Variants in TFDP2 observed in about 807,000 individuals in gnomAD.
TFDP2 encodes transcription factor Dp-2, also known as transcription factor Dp-2 (E2F dimerization partner 2).
In TFDP2, 17 loss-of-function variants were observed where a neutral mutation model predicts 59.3. The observed-to-expected ratio is 0.29, with a 90% CI of 0.20 to 0.43. The LOEUF is 0.43. Among genes scored for constraint, TFDP2 ranks in the 20% least tolerant of loss-of-function variants. The pLI, the probability that TFDP2 is intolerant of heterozygous loss-of-function variation, is 1.00. For missense variants in TFDP2, 391 were observed against 528.8 expected, an observed-to-expected ratio of 0.74 and a Z score of 2.56; for synonymous variants, 180 against 194.7, an observed-to-expected ratio of 0.92 and a Z score of 0.63.
At chr3:142,041,914 C>A (rs1317896147) in intron 3 of TFDP2, among the ~76,000 whole-genome samples, 2 of 152,166 alleles carry the variant, frequency 1.3e-5, no homozygotes, top group Non-Finnish European at 1.5e-5. Flanking sequence ...GTTGAAAAAA[C>A]CCATTCTTCC....
chr3:141,989,858 C>T (rs2108151694), intron 6 of TFDP2, among the ~76,000 whole-genome samples: 1 of 149,270 alleles, frequency 6.7e-6, no homozygotes, highest in East Asian at 1.9e-4. Flanking sequence ...TTTTTTACAG[C>T]ACTTTTACAG....
At chr3:142,023,439 C>A (rs1945823658) in intron 3 of TFDP2, among the ~76,000 whole-genome samples, 1 of 151,808 alleles carries the variant, frequency 6.6e-6, no homozygotes, top group Admixed American at 6.6e-5. Flanking sequence ...GATCCACCTG[C>A]CCCGGCCTCC....
chr3:141,968,371 TA>T (rs1407677410), intron 9 of TFDP2, among the ~76,000 whole-genome samples: 3 of 118,322 alleles, frequency 2.5e-5, no homozygotes, highest in African/African-American at 9.5e-5. Flanking sequence ...ATCTCATATA[TA>T]ACATATATCT....
intron 2 of TFDP2, among the ~76,000 whole-genome samples, chr3:142,096,118 T>C (rs1002407354): frequency 2.6e-5 from 4 of 152,172 alleles, no homozygotes; most frequent in Non-Finnish European, 4.4e-5. Context: ...CACCTGCATC[T>C]TAAGAACCAA....
Position 141,948,541 on chromosome 3 carries a change from CAA to C in TFDP2, c.*3970_*3971del, listed in dbSNP as rs71629518. 23 of 133,392 alleles carry C rather than the reference CAA, an allele frequency of 1.7e-4. No homozygotes were observed. The highest frequency in any genetic ancestry group is 2.4e-4 in the South Asian group (1 of 4,144). 8.3% of individuals were successfully genotyped at this position (133,392 alleles called of 1,614,324 possible). On this transcript the variant is annotated 3_prime_UTR_variant, in exon 13 of 13. Transcript: ENST00000489671. ...CTGGCGACAGAGCAAGACTCCGTCT[CAA>C]AAAAAAAAAAAAGCTAAATAGGCTC... is the stretch of plus-strand genomic sequence containing the variant.
chr3:141,954,358 T>TGGC (rs1355458382), intron 11 of TFDP2, among the ~76,000 whole-genome samples: 1 of 151,230 alleles, frequency 6.6e-6, no homozygotes, highest in African/African-American at 2.4e-5. Context: ...GATCTAAATG[T>TGGC]GGCGGGGCGC....
intron 11 of TFDP2, among the ~76,000 whole-genome samples, chr3:141,956,537 G>A (rs1282167570): frequency 6.6e-6 from 1 of 151,010 alleles, no homozygotes; most frequent in African/African-American, 2.4e-5. Context: ...GGGTAACAGA[G>A]AGAGACTCCA....
rs1042760248 is a variant in TFDP2 at position 141,947,927 on chromosome 3, C to G, written c.*4586G>C. 1 of 152,330 alleles carries G rather than the reference C, an allele frequency of 6.6e-6. No homozygotes were observed. The highest frequency in any genetic ancestry group is 1.5e-5 in the Non-Finnish European group (1 of 68,128). 9.4% of individuals were successfully genotyped at this position (152,330 alleles called of 1,614,324 possible). On this transcript the variant is annotated 3_prime_UTR_variant, in exon 13 of 13. Transcript: ENST00000489671. Reference sequence around the variant, plus strand: ...TAGCCTTTCCCAAACGGTCCCGCTACGCTGCTGCTTTCTCCACAGCACTCA... The same window carrying G: ...TAGCCTTTCCCAAACGGTCCCGCTAGGCTGCTGCTTTCTCCACAGCACTCA...
intron 6 of TFDP2, among the ~76,000 whole-genome samples, chr3:141,992,077 A>AAAAG (rs1942840805): frequency 6.9e-6 from 1 of 145,900 alleles, no homozygotes; most frequent in Non-Finnish European, 1.5e-5. Flanking sequence ...AAAGAAAGAA[A>AAAAG]GAAGGAAGGA....
chr3:141,957,274 G>A (rs779146168), intron 11 of TFDP2, among the ~76,000 whole-genome samples: 7 of 152,130 alleles, frequency 4.6e-5, no homozygotes, highest in Non-Finnish European at 8.8e-5. Flanking sequence ...GCCAAATTAC[G>A]TCACCGCACT....
rs188699340 is a variant in TFDP2 at position 142,093,910 on chromosome 3, T to C, written c.16-783A>G. 394 of 496,064 alleles carry C rather than the reference T, an allele frequency of 7.9e-4. 5 individuals carry two copies. Among genetic ancestry groups the C allele is most frequent in the African/African-American group, 7.4e-3 (374 of 50,782 alleles). The allele number at this position is 496,064 out of a possible 1,614,324, so 30.7% of individuals were successfully genotyped here. A position where few individuals can be genotyped will look rare whatever the true frequency, so the allele number is the denominator to read the frequency against. On this transcript the variant is annotated intron_variant, in intron 2 of 12. Coordinates refer to ENST00000489671, the MANE Select transcript of TFDP2 (RefSeq NM_001178139.2). ...AATGAGATAATTCATGTAAAGCATA[T>C]AGCACAGGATTTGGCACATACTGCT...
intron 3 of TFDP2, among the ~76,000 whole-genome samples, chr3:142,060,959 T>C (rs1306664501): frequency 6.6e-6 from 1 of 152,210 alleles, no homozygotes; most frequent in Non-Finnish European, 1.5e-5. Flanking sequence ...ATTTTTCATA[T>C]GAGAACGTCT....
rs1486441718 is a variant in TFDP2 at position 142,149,432 on chromosome 3, AGCTGCGGCAGCGCCGCAGCCGAG to A, written c.-365_-343del. The A allele has an allele frequency of 5.2e-6, 2 of 382,038 alleles. No homozygotes were observed. The highest frequency in any genetic ancestry group is 9.3e-6 in the Non-Finnish European group (2 of 215,806). The allele number at this position is 382,038 out of a possible 1,614,324, so 23.7% of individuals were successfully genotyped here. On this transcript the variant is annotated 5_prime_UTR_variant, in exon 1 of 13. Transcript: ENST00000489671. ...TCAGGGCGCGCCCCGCGGGCCGGGC[AGCTGCGGCAGCGCCGCAGCCGAG>A]ATCGCTACCGATTTCGTCCGCCCTC...
At chr3:142,050,273 A>T (rs913791828) in intron 3 of TFDP2, among the ~76,000 whole-genome samples, 55 of 151,004 alleles carry the variant, frequency 3.6e-4, no homozygotes, top group Non-Finnish European at 6.0e-4. Flanking sequence ...CAAAAAAAAA[A>T]AAATAATAAA....
Position 141,970,123 on chromosome 3 carries a change from T to C in TFDP2, c.682A>G (p.Ile228Val). The change falls in exon 9 of 13, where the codon ATA (isoleucine) becomes GTA (valine). Residue 228 changes from isoleucine (I) to valine (V), a missense_variant. Ile to Val is a conservative substitution (Grantham distance 29). Transcript: ENST00000489671. The stretch of plus-strand genomic sequence containing the variant: ...GCCCGCTTCTGCTTTATCCGTTCTA[T>C]CCGCCTCTGCTTCTCTATCTTTAAA... ...QNLEIEKQRR[I>V]ERIKQKRAQL... 7 of 1,614,196 alleles carry C rather than the reference T, an allele frequency of 4.3e-6. No individual in the cohort carries two copies. The highest frequency in any genetic ancestry group is 5.9e-6 in the Non-Finnish European group (7 of 1,180,008).
intron 1 of TFDP2, among the ~76,000 whole-genome samples, chr3:142,148,923 T>A (rs1392506371): frequency 2.0e-5 from 3 of 152,204 alleles, no homozygotes; most frequent in African/African-American, 7.2e-5. Flanking sequence ...CTTCCCCTCT[T>A]CCACGAGGCG....
At chr3:142,054,164 A>G (rs1240972527) in intron 3 of TFDP2, 1 of 152,232 alleles carries the variant, frequency 6.6e-6, no homozygotes, top group Non-Finnish European at 1.5e-5. Context: ...GAGAGATGAA[A>G]ACTTATGTCA....
rs529693273 is a variant in TFDP2, at chr3:142,055,941, C to CT, written c.82+37119dup. Reference sequence around the variant, plus strand: ...AAGCCCACATGCATTTATTAAGTACCTTTTTTTTTTTTTTTTTTTTTTTTT... The same window carrying CT: ...AAGCCCACATGCATTTATTAAGTACCTTTTTTTTTTTTTTTTTTTTTTTTTT... On this transcript the variant is annotated intron_variant, in intron 3 of 12. Transcript: ENST00000489671. Among the ~76,000 whole-genome samples, 382 of 70,192 alleles carry CT rather than the reference C, an allele frequency of 5.4e-3. 44 individuals carry two copies. The highest frequency in any genetic ancestry group is 0.046 in the East Asian group (81 of 1,768). 46.0% of individuals were successfully genotyped at this position (70,192 alleles called of 152,430 possible). A position where few individuals can be genotyped will look rare whatever the true frequency, so the allele number is the denominator to read the frequency against.
intron 1 of TFDP2, among the ~76,000 whole-genome samples, chr3:142,130,046 G>A (rs1212876407): frequency 1.3e-5 from 2 of 151,962 alleles, no homozygotes; most frequent in African/African-American, 4.8e-5. Flanking sequence ...TCTCAAAAAC[G>A]TAAAAATAAA....
Sources: gnomAD v4.1 joint callset for allele counts (sites outside exome capture counted in the v4.1 genomes callset) on GRCh38, gnomAD v4.1.1 for gene constraint, MANE v1.5 for transcripts, NCBI Gene and HGNC (gene_info 2026-07-23, HGNC 2026-07-21) for gene names.